The following NEU3 variants were observed in gnomAD, a reference collection of about 807,000 sequenced individuals.
The protein encoded by NEU3 is neuraminidase 3, also known as sialidase-3.
A neutral mutation model predicts 11.4 loss-of-function variants in NEU3; 10 were observed. The ratio of observed to expected loss-of-function variants is 0.88; its 90% CI spans 0.54 to 1.49. The LOEUF (loss-of-function observed/expected upper bound fraction) is 1.49, where lower values mean the gene tolerates loss of function less well. NEU3 is among the 40% of genes most tolerant of loss of function. The pLI is 0.00. For missense variants in NEU3, 529 were observed against 581.8 expected, an observed-to-expected ratio of 0.91 and a Z score of 0.93; for synonymous variants, 212 against 228.2, an observed-to-expected ratio of 0.93 and a Z score of 0.64.
chr11:74,992,682 G>C (rs1948745475), intron 1 of NEU3, among the ~76,000 whole-genome samples: 1 of 152,162 alleles, frequency 6.6e-6, no homozygotes. Context: ...AAAGCCGGCC[G>C]GGCACGGTGG....
intron 1 of NEU3, 134 bp from the exon 2 acceptor site, chr11:74,994,375 T>C (rs1948763733): frequency 1.7e-6 from 1 of 594,988 alleles, no homozygotes; most frequent in Non-Finnish European, 2.9e-6. Context: ...TATGTTATTC[T>C]TGTATAAAGA....
At chr11:74,987,336 G>A (rs1452641894), upstream of NEU3, among the ~76,000 whole-genome samples, 1 of 151,988 alleles carries the variant, frequency 6.6e-6, no homozygotes, top group African/African-American at 2.4e-5. Flanking sequence ...TCCATATTTG[G>A]CCAGTGGAAT....
chr11:74,982,446 T>G, the NEU3 span, among the ~76,000 whole-genome samples: 3 of 152,300 alleles, frequency 2.0e-5, no homozygotes, highest in African/African-American at 4.8e-5. Flanking sequence ...AGAAAATACA[T>G]GCAGGAACAC....
intron 1 of NEU3, among the ~76,000 whole-genome samples, chr11:74,991,425 A>G (rs1948731159): frequency 2.0e-5 from 3 of 152,202 alleles, no homozygotes; most frequent in Admixed American, 2.0e-4. Context: ...AAATATTCAT[A>G]TGCTATTGAT....
At chr11:75,018,563 G>A (rs1202889483) in intron 3 of NEU3, 2 of 152,258 alleles carry the variant, frequency 1.3e-5, no homozygotes, top group South Asian at 2.1e-4. Context: ...AAGTTCTTCA[G>A]TTTTGGGACT....
At chr11:74,991,359 C>G (rs565011989) in intron 1 of NEU3, among the ~76,000 whole-genome samples, 2 of 152,186 alleles carry the variant, frequency 1.3e-5, no homozygotes, top group Non-Finnish European at 2.9e-5. Flanking sequence ...TCCCAGTTCC[C>G]CTCATGATAC....
chr11:74,991,195 C>G (rs1196159998), intron 1 of NEU3, among the ~76,000 whole-genome samples: 1 of 152,200 alleles, frequency 6.6e-6, no homozygotes, highest in Non-Finnish European at 1.5e-5. Flanking sequence ...AAGCCTGACC[C>G]TCCCGGGGAG....
At position 75,010,010 on chromosome 11, in the gene NEU3, C is replaced by T. The variant is rs899863106; in HGVS notation, c.*3518C>T. On this transcript the variant is annotated 3_prime_UTR_variant, in exon 3 of 3. Transcript: ENST00000294064. ...CAGGGCAGTAGGAATTGATATCTCA[C>T]TTTTGCCAGATTAGGCTTCTCACTC... 2.0e-5 allele frequency: 3 copies of T among 152,272 alleles called. No individual in the cohort carries two copies. The highest frequency in any genetic ancestry group is 4.4e-5 in the Non-Finnish European group (3 of 68,076). The allele number at this position is 152,272 out of a possible 1,614,324, so 9.4% of individuals were successfully genotyped here.
At chr11:75,020,061 G>A (rs1019683955), downstream of NEU3, among the ~76,000 whole-genome samples, 2 of 152,208 alleles carry the variant, frequency 1.3e-5, no homozygotes, top group Non-Finnish European at 2.9e-5. Context: ...GGAGTCAAAG[G>A]AGATTATTTT....
chr11:75,015,477 A>T (rs1948976712), downstream of NEU3, among the ~76,000 whole-genome samples: 1 of 152,214 alleles, frequency 6.6e-6, no homozygotes. Context: ...GTTTTTAAAA[A>T]AACAAAAAAA....
At chr11:75,020,045 A>G (rs1948996877), downstream of NEU3, among the ~76,000 whole-genome samples, 1 of 152,228 alleles carries the variant, frequency 6.6e-6, no homozygotes, top group Non-Finnish European at 1.5e-5. Flanking sequence ...CCTGGATGTG[A>G]GACAGGGAGT....
Position 75,006,145 on chromosome 11 carries a change from T to G in NEU3, c.1039T>G (p.Ser347Ala). The G allele has an allele frequency of 6.2e-7, 1 of 1,614,002 alleles. No homozygotes were observed. Residue 347 changes from serine to alanine, a missense_variant, in exon 3 of 3, where the codon TCA becomes GCA. Physicochemically the swap from Ser to Ala is moderately conservative, Grantham distance 99. Transcript: ENST00000294064. The part of the protein sequence containing the change: ...PTIQQSSPGS[S>A]LRLEEEAGTP... ...CATTCAGCAGAGCTCTCCAGGCAGT[T>G]CACTGAGGCTGGAGGAGGAAGCTGG...
rs145422117 is a variant in NEU3 at position 75,018,048 on chromosome 11, C to T, written c.*2-643C>T. ...GCACTTTTTTTAAGCCTTCCCTTCCCTCTCTCCTTCCTTTCTCTCCCCACC... is the reference window on the plus strand; with the variant it reads ...GCACTTTTTTTAAGCCTTCCCTTCCTTCTCTCCTTCCTTTCTCTCCCCACC... On this transcript the variant is annotated intron_variant, in intron 3 of 3. Transcript: ENST00000529024. Among the ~76,000 whole-genome samples, 401 of 152,132 alleles carry T rather than the reference C, an allele frequency of 2.6e-3. 2 individuals are homozygous for T. Among genetic ancestry groups the T allele is most frequent in the African/African-American group, 9.3e-3 (385 of 41,486 alleles).
chr11:74,999,739 G>A (rs776215128), intron 2 of NEU3, among the ~76,000 whole-genome samples: 8 of 152,228 alleles, frequency 5.3e-5, no homozygotes, highest in Admixed American at 1.3e-4. Flanking sequence ...ATGTGTGAAT[G>A]AGATGATCTC....
At chr11:74,996,287 T>A (rs1485845437) in intron 2 of NEU3, among the ~76,000 whole-genome samples, 1 of 152,230 alleles carries the variant, frequency 6.6e-6, no homozygotes, top group African/African-American at 2.4e-5. Flanking sequence ...TATAAATGAA[T>A]CCTCTCAAAC....
chr11:74,981,370 CAT>C, the NEU3 span, among the ~76,000 whole-genome samples: 15 of 152,228 alleles, frequency 9.9e-5, no homozygotes, highest in African/African-American at 3.4e-4. Context: ...ATTCTTGCCT[CAT>C]GTGAATGTAA....
chr11:75,004,030 C>G lies in NEU3; in HGVS notation c.307-1383C>G, dbSNP rs1477565460. On this transcript the variant is annotated intron_variant, in intron 2 of 2. Transcript: ENST00000294064. ...TAGTATTCTGCTACTTCAAGCAATG[C>G]TACATTTGAATAATCTTATACATAC... 7.9e-5 allele frequency among the ~76,000 whole-genome samples: 12 copies of G among 152,286 alleles called. No individual in the cohort carries two copies. In the East Asian group the frequency reaches 2.3e-3, roughly 29 times the overall value.
downstream of NEU3, among the ~76,000 whole-genome samples, chr11:75,011,298 C>A (rs1948953802): frequency 6.6e-6 from 1 of 152,188 alleles, no homozygotes. Flanking sequence ...TATTAACAGC[C>A]AAATCAAGTG....
downstream of NEU3, among the ~76,000 whole-genome samples, chr11:75,020,030 T>C (rs1948996812): frequency 6.6e-6 from 1 of 152,186 alleles, no homozygotes; most frequent in South Asian, 2.1e-4. Flanking sequence ...CTTGCATCAG[T>C]ATGACCTGGA....
Sources: allele counts gnomAD v4.1 joint callset (sites outside exome capture counted in the v4.1 genomes callset), GRCh38; gene constraint gnomAD v4.1.1; transcripts MANE v1.5; gene names NCBI Gene and HGNC (gene_info 2026-07-23, HGNC 2026-07-21).